KCND2: variants seen among roughly 807,000 people sequenced by gnomAD.
KCND2 encodes potassium voltage-gated channel subfamily D member 2.
Under a neutral mutation model 54.4 loss-of-function variants are expected in KCND2, and 16 were observed. The ratio of observed to expected loss-of-function variants is 0.29; its 90% CI spans 0.20 to 0.45. The LOEUF is 0.45. Among genes scored for constraint, KCND2 ranks in the 20% least tolerant of loss-of-function variants. KCND2 has a pLI of 1.00. For synonymous variants in KCND2, 317 were observed against 310.7 expected, an observed-to-expected ratio of 1.02 and a Z score of -0.21; for missense variants, 486 against 824.2, an observed-to-expected ratio of 0.59 and a Z score of 5.02.
chr7:120,679,039 TTACA>T (rs1290537692), intron 1 of KCND2, among the ~76,000 whole-genome samples: 1 of 151,748 alleles, frequency 6.6e-6, no homozygotes, highest in Non-Finnish European at 1.5e-5. Flanking sequence ...GTTACATTGC[TTACA>T]TAAACAGTGA....
At chr7:120,526,103 TC>T (rs1791769823) in intron 1 of KCND2, among the ~76,000 whole-genome samples, 1 of 152,128 alleles carries the variant, frequency 6.6e-6, no homozygotes, top group African/African-American at 2.4e-5. Flanking sequence ...CAATGCCCTC[TC>T]CCCAGGTCAG....
chr7:120,495,135 T>A (rs1802831779), intron 1 of KCND2, among the ~76,000 whole-genome samples: 1 of 152,028 alleles, frequency 6.6e-6, no homozygotes, highest in African/African-American at 2.4e-5. Flanking sequence ...TTTTTTAATA[T>A]TTTTTTTCCT....
intron 1 of KCND2, among the ~76,000 whole-genome samples, chr7:120,397,823 A>T (rs1468078412): frequency 1.3e-5 from 2 of 151,426 alleles, no homozygotes; most frequent in Admixed American, 6.6e-5. Context: ...ACCTATTTAA[A>T]TATATTTGTG....
At chr7:120,534,271 A>T (rs1332181927) in intron 1 of KCND2, among the ~76,000 whole-genome samples, 1 of 152,134 alleles carries the variant, frequency 6.6e-6, no homozygotes, top group East Asian at 1.9e-4. Context: ...GTGATAAGTC[A>T]TGTTGATAGC....
chr7:120,682,080 G>A (rs974127707), intron 1 of KCND2, among the ~76,000 whole-genome samples: 1 of 151,954 alleles, frequency 6.6e-6, no homozygotes, highest in Non-Finnish European at 1.5e-5. Context: ...ACATGCTCTC[G>A]AATACTGAGA....
chr7:120,288,758 G>A (rs527596083), intron 1 of KCND2, among the ~76,000 whole-genome samples: 1 of 152,174 alleles, frequency 6.6e-6, no homozygotes, highest in African/African-American at 2.4e-5. Flanking sequence ...TGAACATCAG[G>A]TTTGGTAAAA....
At chr7:120,334,771 C>A (rs957295768) in intron 1 of KCND2, among the ~76,000 whole-genome samples, 5 of 152,126 alleles carry the variant, frequency 3.3e-5, no homozygotes, top group African/African-American at 1.2e-4. Context: ...ATTTGCATCA[C>A]CCCCAGGACA....
intron 1 of KCND2, among the ~76,000 whole-genome samples, chr7:120,384,631 C>A (rs1166180308): frequency 6.6e-6 from 1 of 152,152 alleles, no homozygotes; most frequent in Admixed American, 6.6e-5. Flanking sequence ...ACACAGAATA[C>A]ACACAATTTT....
At chr7:120,728,912 GT>G (rs1792770821) in intron 1 of KCND2, among the ~76,000 whole-genome samples, 1 of 152,128 alleles carries the variant, frequency 6.6e-6, no homozygotes, top group South Asian at 2.1e-4. Context: ...AGGAAACCAA[GT>G]TGCCTAGGAT....
chr7:120,322,605 G>T (rs924103919), intron 1 of KCND2, among the ~76,000 whole-genome samples: 2 of 152,058 alleles, frequency 1.3e-5, no homozygotes, highest in Admixed American at 6.6e-5. Context: ...GCATATTTCA[G>T]ATTTTTTTCA....
chr7:120,564,138 G>T (rs1261711090), intron 1 of KCND2, among the ~76,000 whole-genome samples: 1 of 151,404 alleles, frequency 6.6e-6, no homozygotes, highest in Non-Finnish European at 1.5e-5. Context: ...TGGAATTACA[G>T]AAAAGAGAAA....
intron 1 of KCND2, among the ~76,000 whole-genome samples, chr7:120,637,183 T>G (rs960519406): frequency 6.6e-6 from 1 of 152,126 alleles, no homozygotes; most frequent in African/African-American, 2.4e-5. Flanking sequence ...TCTTCAGAAT[T>G]TTCAAATTGA....
chr7:120,609,795 A>G (rs973713874), intron 1 of KCND2, among the ~76,000 whole-genome samples: 36 of 152,172 alleles, frequency 2.4e-4, no homozygotes, highest in African/African-American at 8.4e-4. Flanking sequence ...TAAAAATTTC[A>G]GTACAGCTAC....
At chr7:120,681,127 C>G (rs1427416461) in intron 1 of KCND2, among the ~76,000 whole-genome samples, 1 of 152,092 alleles carries the variant, frequency 6.6e-6, no homozygotes, top group Non-Finnish European at 1.5e-5. Context: ...AGACTTATTT[C>G]AAACTAGCAT....
intron 1 of KCND2, among the ~76,000 whole-genome samples, chr7:120,475,031 G>T (rs1330956405): frequency 6.6e-6 from 1 of 152,048 alleles, no homozygotes; most frequent in Non-Finnish European, 1.5e-5. Flanking sequence ...AACAATTAAG[G>T]TCCTGTTTTT....
chr7:120,744,349 A>G (rs935108469), intron 4 of KCND2, among the ~76,000 whole-genome samples: 3 of 152,106 alleles, frequency 2.0e-5, no homozygotes, highest in African/African-American at 7.2e-5. Flanking sequence ...TTTTAAAATC[A>G]AAAATCACTA....
At chr7:120,554,631 A>G (rs995112952) in intron 1 of KCND2, among the ~76,000 whole-genome samples, 1 of 151,988 alleles carries the variant, frequency 6.6e-6, no homozygotes, top group African/African-American at 2.4e-5. Flanking sequence ...GATGGTGTCG[A>G]TCTCCTGACC....
Position 120,709,810 on chromosome 7 carries a change from C to T in KCND2, c.1116-23093C>T, listed in dbSNP as rs193074597. Among the ~76,000 whole-genome samples, 125 of 152,222 alleles carry T rather than the reference C, an allele frequency of 8.2e-4. 1 individual carries two copies. The highest frequency in any genetic ancestry group is 1.6e-3 in the Admixed American group (24 of 15,276). On this transcript the variant is annotated intron_variant, in intron 1 of 5. Coordinates refer to ENST00000331113, the MANE Select transcript of KCND2 (RefSeq NM_012281.3). ...AGCACTGGCTTGGAATCTTACTGAACTCTTACATACCATGGGTTCTCCAGA... is the reference window on the plus strand; with the variant it reads ...AGCACTGGCTTGGAATCTTACTGAATTCTTACATACCATGGGTTCTCCAGA...
At chr7:120,524,779 G>C (rs1791752713) in intron 1 of KCND2, among the ~76,000 whole-genome samples, 1 of 152,128 alleles carries the variant, frequency 6.6e-6, no homozygotes, top group Admixed American at 6.6e-5. Flanking sequence ...ACTCACAAGA[G>C]ATACTTTCTT....
Sources: gnomAD v4.1 joint callset for allele counts (sites outside exome capture counted in the v4.1 genomes callset) on GRCh38, gnomAD v4.1.1 for gene constraint, MANE v1.5 for transcripts, NCBI Gene and HGNC (gene_info 2026-07-23, HGNC 2026-07-21) for gene names.